PCDHGB1: variants seen among roughly 807,000 people sequenced by gnomAD.
PCDHGB1 encodes the protein protocadherin gamma-B1.
A neutral mutation model predicts 56.6 loss-of-function variants in PCDHGB1; 34 were observed. The ratio of observed to expected loss-of-function variants is 0.60; its 90% confidence interval spans 0.46 to 0.80. The LOEUF (loss-of-function observed/expected upper bound fraction) is 0.80, where lower values mean the gene tolerates loss of function less well. PCDHGB1 is among the 30% of genes least tolerant of loss of function. The pLI, the probability that PCDHGB1 is intolerant of heterozygous loss-of-function variation, is 0.00. For synonymous variants in PCDHGB1, 561 were observed against 505.9 expected (o/e 1.11, Z -1.46); for missense variants, 1,278 against 1,204.6 (o/e 1.06, Z -0.90).
At chr5:141,404,720 A>C in intron 1 of PCDHGB1, 1 of 1,613,804 alleles carries the variant, frequency 6.2e-7, no homozygotes, top group Non-Finnish European at 8.5e-7. Flanking sequence ...CCTGGTGACC[A>C]AGGTGGTGGC....
At position 141,350,838 on chromosome 5, in the gene PCDHGB1, T is replaced by G; in HGVS notation, c.578T>G (p.Leu193Arg). 1 of 1,614,066 alleles carries G rather than the reference T, an allele frequency of 6.2e-7. No homozygotes were observed. The highest frequency in any genetic ancestry group is 1.3e-5 in the African/African-American group (1 of 75,084). ...GGAAGTAAATATCCGGTATTACTGCTGGAAAAACCTCTAGACAGGGAACAT... is the reference window on the plus strand; with the variant it reads ...GGAAGTAAATATCCGGTATTACTGCGGGAAAAACCTCTAGACAGGGAACAT... The part of the protein sequence containing the change: ...PDGSKYPVLL[L>R]EKPLDREHQS... The change falls in exon 1 of 4, where the codon CTG (leucine) becomes CGG (arginine). Residue 193 changes from leucine to arginine, a missense_variant. Transcript: ENST00000523390.
rs2094308599 is a variant in PCDHGB1 at position 141,402,798 on chromosome 5, C to T, written c.2409+50129C>T. ...TTTCCAGTTCTGCGGCTACACAAAA[C>T]CCGGCAGATACCACAAACCTGCTCC... On this transcript the variant is annotated intron_variant, in intron 1 of 3. Transcript: ENST00000523390. 7.6e-6 allele frequency: 8 copies of T among 1,054,376 alleles called. No individual in the cohort carries two copies. The South Asian group carries it at 1.6e-4, about 20-fold the overall frequency. The allele number at this position is 1,054,376 out of a possible 1,614,324, so 65.3% of individuals were successfully genotyped here. A position where few individuals can be genotyped will look rare whatever the true frequency, so the allele number is the denominator to read the frequency against.
At chr5:141,405,363 C>A (rs765508317) in intron 1 of PCDHGB1, 3 of 1,613,808 alleles carry the variant, frequency 1.9e-6, no homozygotes, top group South Asian at 1.1e-5. Context: ...ATAGAAGACA[C>A]CCCTTTGGTT....
At chr5:141,474,345 G>A (rs541613646) in intron 1 of PCDHGB1, among the ~76,000 whole-genome samples, 7 of 152,124 alleles carry the variant, frequency 4.6e-5, no homozygotes, top group African/African-American at 7.2e-5. Flanking sequence ...TTGTTAAAAT[G>A]TAAGTCATGT....
chr5:141,410,068 C>A, intron 1 of PCDHGB1: 1 of 1,612,950 alleles, frequency 6.2e-7, no homozygotes. Context: ...TGGGGCTGCG[C>A]ACTGGGGAGG....
intron 1 of PCDHGB1, chr5:141,384,783 G>C (rs768506502): frequency 1.4e-5 from 22 of 1,613,560 alleles, no homozygotes; most frequent in East Asian, 2.2e-5. Context: ...AGGTGCGCAC[G>C]GCTCGGGCCC....
intron 1 of PCDHGB1, chr5:141,398,307 G>A (rs1447377921): frequency 1.5e-6 from 2 of 1,359,764 alleles, no homozygotes; most frequent in South Asian, 1.3e-5. Flanking sequence ...GCGTCCAGGA[G>A]TTACCGACTC....
intron 1 of PCDHGB1, chr5:141,419,302 C>A: frequency 6.2e-7 from 1 of 1,614,024 alleles, no homozygotes; most frequent in Non-Finnish European, 8.5e-7. Flanking sequence ...ACCCAGACTT[C>A]GGGCTCAACG....
At chr5:141,360,432 G>C in intron 1 of PCDHGB1, 1 of 1,613,994 alleles carries the variant, frequency 6.2e-7, no homozygotes, top group Non-Finnish European at 8.5e-7. Flanking sequence ...GCGGGAAGCA[G>C]CCTCTGTGTG....
intron 1 of PCDHGB1, among the ~76,000 whole-genome samples, chr5:141,439,076 C>G (rs1358035789): frequency 6.6e-6 from 1 of 151,590 alleles, no homozygotes; most frequent in East Asian, 2.0e-4. Context: ...GCCTGTAATC[C>G]CAGCTACTCA....
At chr5:141,355,929 T>G (rs1760047628) in intron 1 of PCDHGB1, 1 of 1,613,900 alleles carries the variant, frequency 6.2e-7, no homozygotes, top group East Asian at 2.2e-5. Context: ...CCGTGTTCAC[T>G]CAGCCCGAGT....
At position 141,353,083 on chromosome 5, in the gene PCDHGB1, T is replaced by A. The variant is rs1164275141; in HGVS notation, c.2409+414T>A. 3.3e-5 allele frequency among the ~76,000 whole-genome samples: 5 copies of A among 152,318 alleles called. No homozygotes were observed. In the East Asian group the frequency reaches 9.6e-4, roughly 29 times the overall value. On this transcript the variant is annotated intron_variant, in intron 1 of 3. Coordinates refer to ENST00000523390, the MANE Select transcript of PCDHGB1 (RefSeq NM_018922.3). ...TCATTGTTCTAGTGATGGTATCTAC[T>A]GCGGGAGGGGGTACTAGATAGATGG...
At position 141,489,503 on chromosome 5, in the gene PCDHGB1, A is replaced by T; in HGVS notation, c.2410-5304A>T. 1 of 1,614,092 alleles carries T rather than the reference A, an allele frequency of 6.2e-7. No homozygotes were observed. ...ATGAGTGGTGCCCTGGCAGTGAATC[A>T]AAAGATTGACCGAGAAAGCCTATGT... is the stretch of plus-strand genomic sequence containing the variant. On this transcript the variant is annotated intron_variant, in intron 1 of 3. Transcript: ENST00000523390. The surrounding 1 kb of genome is among the most constrained non-coding windows in gnomAD (Gnocchi z 4.5).
chr5:141,475,938 G>T (rs756781296), intron 1 of PCDHGB1: 22 of 682,776 alleles, frequency 3.2e-5, no homozygotes, highest in African/African-American at 7.2e-5. Flanking sequence ...GCCCCTGCCC[G>T]TCCCCTTTCT....
chr5:141,485,359 C>T lies in PCDHGB1; in HGVS notation c.2410-9448C>T. ...TGGATACGGACAGTCTGTCAGCTCG[C>T]AGGCTGCAGGTCGCTGGAGAGGTGA... is the stretch of plus-strand genomic sequence containing the variant. On this transcript the variant is annotated intron_variant, in intron 1 of 3. Transcript: ENST00000523390. The surrounding 1 kb of genome is among the most constrained non-coding windows in gnomAD (Gnocchi z 5.7). 6.2e-7 allele frequency: 1 copy of T among 1,614,144 alleles called. No homozygotes were observed. The highest frequency in any genetic ancestry group is 8.5e-7 in the Non-Finnish European group (1 of 1,180,010).
At chr5:141,362,541 A>G (rs770673084) in intron 1 of PCDHGB1, 3 of 1,613,770 alleles carry the variant, frequency 1.9e-6, no homozygotes, top group Admixed American at 3.3e-5. Context: ...CTTTTGCCTC[A>G]GATACTATTT....
intron 1 of PCDHGB1, chr5:141,382,795 T>A: frequency 1.0e-6 from 1 of 982,614 alleles, no homozygotes; most frequent in Non-Finnish European, 1.5e-6. Context: ...TCTATCCTGC[T>A]GGATTCTGAG....
At chr5:141,402,796 A>C in intron 1 of PCDHGB1, 1 of 1,040,680 alleles carries the variant, frequency 9.6e-7, no homozygotes, top group South Asian at 2.0e-5. Flanking sequence ...GGCTACACAA[A>C]ACCCGGCAGA....
intron 1 of PCDHGB1, chr5:141,433,074 A>C: frequency 6.2e-7 from 1 of 1,614,218 alleles, no homozygotes; most frequent in East Asian, 2.2e-5. Flanking sequence ...ATCTTCCCCC[A>C]GCCCAACTAT....
Sources: gnomAD v4.1 joint callset for allele counts (sites outside exome capture counted in the v4.1 genomes callset) on GRCh38, gnomAD v4.1.1 for gene constraint, Gnocchi (gnomAD v3.1) non-coding constraint, MANE v1.5 for transcripts, NCBI Gene and HGNC (gene_info 2026-07-23, HGNC 2026-07-21) for gene names.